ABCB11: variants seen among roughly 807,000 people sequenced by gnomAD.
The protein encoded by ABCB11 is ATP binding cassette subfamily B member 11.
Under a neutral mutation model 148.0 loss-of-function variants are expected in ABCB11, and 95 were observed. The ratio of observed to expected loss-of-function variants is 0.64; its 90% CI spans 0.54 to 0.76. ABCB11 has a LOEUF of 0.76. ABCB11 is among the 30% of genes least tolerant of loss of function. The probability of loss-of-function intolerance (pLI) is 0.00; values close to 1 mark genes in which losing one functional copy is unlikely to be tolerated. For synonymous variants in ABCB11, 591 were observed against 555.4 expected (o/e 1.06, Z -0.90); for missense variants, 1,523 against 1,617.8 (o/e 0.94, Z 1.01).
intron 5 of ABCB11, among the ~76,000 whole-genome samples, chr2:168,997,532 G>A (rs1694753571): frequency 6.6e-6 from 1 of 152,018 alleles, no homozygotes; most frequent in Non-Finnish European, 1.5e-5. Flanking sequence ...ATGAATGAAG[G>A]CATTCCATAA....
intron 12 of ABCB11, among the ~76,000 whole-genome samples, chr2:168,974,940 T>A (rs1038667824): frequency 1.3e-5 from 2 of 148,916 alleles, no homozygotes; most frequent in Non-Finnish European, 3.0e-5. Flanking sequence ...ATGTTTTATA[T>A]ATTTATGTAT....
At chr2:168,986,422 C>A (rs1573942446) in intron 9 of ABCB11, 138 bp from the exon 10 acceptor site, 2 of 724,604 alleles carry the variant, frequency 2.8e-6, no homozygotes, top group East Asian at 2.5e-5. Flanking sequence ...GGAGAAAAAT[C>A]TCCAATAACC....
At chr2:168,917,548 G>C (rs913388963), downstream of ABCB11, among the ~76,000 whole-genome samples, 1 of 152,214 alleles carries the variant, frequency 6.6e-6, no homozygotes, top group Non-Finnish European at 1.5e-5. Flanking sequence ...CAAATAAAAT[G>C]TATGATGTAA....
At chr2:168,955,628 T>A (rs1191408648) in intron 19 of ABCB11, among the ~76,000 whole-genome samples, 1 of 151,372 alleles carries the variant, frequency 6.6e-6, no homozygotes, top group Non-Finnish European at 1.5e-5. Flanking sequence ...CCAAACCATA[T>A]CATTCCGCCC....
intron 5 of ABCB11, among the ~76,000 whole-genome samples, chr2:169,001,621 G>A (rs907284984): frequency 3.3e-5 from 5 of 152,134 alleles, no homozygotes; most frequent in African/African-American, 9.7e-5. Flanking sequence ...ATCAACATTC[G>A]CTGGCATGGG....
chr2:168,972,169 A>G, intron 13 of ABCB11, 119 bp from the exon 14 acceptor site: 1 of 839,102 alleles, frequency 1.2e-6, no homozygotes, highest in East Asian at 2.7e-5. Context: ...TTCTAATGGA[A>G]ACAATTCCTC....
Position 168,995,375 on chromosome 2 carries a change from C to T in ABCB11, c.585G>A (p.Val195=), listed in dbSNP as rs11568365. ...CAGAGAATCTTGTATTCAGCTCCCCCACTGAATTGCAGTCAAACCACCCTA... is the reference window on the plus strand; with the variant it reads ...CAGAGAATCTTGTATTCAGCTCCCCTACTGAATTGCAGTCAAACCACCCTA... The part of the protein sequence containing the change: ...MEIGWFDCNS[V]GELNTRFSDD... Residue 195 remains valine (V), a synonymous_variant, in exon 7 of 28, where the codon GTG becomes GTA. Coordinates refer to ENST00000650372, the MANE Select transcript of ABCB11 (RefSeq NM_003742.4). The T allele has an allele frequency of 1.7e-5, 28 of 1,612,312 alleles. No homozygotes were observed. The highest frequency in any genetic ancestry group is 2.1e-5 in the Non-Finnish European group (25 of 1,178,882).
chr2:169,001,127 A>G (rs971790011), intron 5 of ABCB11, among the ~76,000 whole-genome samples: 1 of 152,158 alleles, frequency 6.6e-6, no homozygotes, highest in Non-Finnish European at 1.5e-5. Context: ...CTCCTTCGTT[A>G]ATAAGTGTCT....
chr2:169,030,492 G>T (rs2106083185), intron 1 of ABCB11, among the ~76,000 whole-genome samples: 1 of 152,208 alleles, frequency 6.6e-6, no homozygotes, highest in Non-Finnish European at 1.5e-5. Flanking sequence ...AAAGTTTTAG[G>T]TATAACCACT....
chr2:168,996,566 C>T (rs1694720061), intron 6 of ABCB11, 69 bp downstream of exon 6: 3 of 888,252 alleles, frequency 3.4e-6, no homozygotes, highest in African/African-American at 3.4e-5. Context: ...AGTGGCAACA[C>T]ATTGCATCTC....
intron 9 of ABCB11, among the ~76,000 whole-genome samples, chr2:168,989,995 A>G (rs1273649776): frequency 6.6e-6 from 1 of 152,040 alleles, no homozygotes; most frequent in Admixed American, 6.6e-5. Context: ...TTAATGTGCT[A>G]TTCAATTTGG....
At position 168,951,691 on chromosome 2, in the gene ABCB11, A is replaced by G. The variant is rs181359225; in HGVS notation, c.2343+6273T>C. 1.6e-4 allele frequency among the ~76,000 whole-genome samples: 24 copies of G among 151,696 alleles called. No homozygotes were observed. In the East Asian group the frequency reaches 4.3e-3, roughly 27 times the overall value. The stretch of plus-strand genomic sequence containing the variant: ...CTATAAATAATATGATTTCATCAGT[A>G]AACAGGGATAATTTGGCTTCCTCTT... On this transcript the variant is annotated intron_variant, in intron 19 of 27. Coordinates refer to ENST00000650372, the MANE Select transcript of ABCB11 (RefSeq NM_003742.4).
intron 19 of ABCB11, among the ~76,000 whole-genome samples, chr2:168,946,442 A>T (rs1472232249): frequency 6.6e-6 from 1 of 151,754 alleles, no homozygotes; most frequent in Non-Finnish European, 1.5e-5. Context: ...AATTAATGAG[A>T]TTTTACTGTT....
chr2:168,945,650 A>T (rs970063136), intron 19 of ABCB11, among the ~76,000 whole-genome samples: 1 of 148,280 alleles, frequency 6.7e-6, no homozygotes. Context: ...GGGAGTTATG[A>T]AGGAAAAAGG....
rs78314638 is a variant in ABCB11, at chr2:168,928,356, T to C, written c.3412-994A>G. 7.4e-3 allele frequency among the ~76,000 whole-genome samples: 1,134 copies of C among 152,260 alleles called. 16 individuals are homozygous for C. Among genetic ancestry groups the C allele is most frequent in the African/African-American group, 0.025 (1,054 of 41,546 alleles). ...GGCAGAAGACATGCTTCATGGTCCT[T>C]AGACTCTCCCACAGGGACTCATGCA... On this transcript the variant is annotated intron_variant, in intron 25 of 27. Transcript: ENST00000650372.
intron 10 of ABCB11, among the ~76,000 whole-genome samples, chr2:168,981,290 G>A (rs3770591): frequency 0.5 from 75,369 of 151,860 alleles, 19,100 homozygotes; most frequent in South Asian, 0.57. Flanking sequence ...CATGGGTGGT[G>A]GGTTAGTCCA....
At chr2:168,920,032 G>T (rs1201697370), downstream of ABCB11, among the ~76,000 whole-genome samples, 1 of 151,794 alleles carries the variant, frequency 6.6e-6, no homozygotes, top group African/African-American at 2.4e-5. Context: ...GCTAATTTTT[G>T]CTTTTCTTTT....
chr2:168,933,393 T>C (rs1691671203), intron 23 of ABCB11, among the ~76,000 whole-genome samples: 1 of 152,206 alleles, frequency 6.6e-6, no homozygotes, highest in South Asian at 2.1e-4. Context: ...CAACATGTAC[T>C]TAATTAACGA....
chr2:168,968,884 T>TG (rs1263514538), intron 16 of ABCB11, among the ~76,000 whole-genome samples: 1 of 151,542 alleles, frequency 6.6e-6, no homozygotes, highest in African/African-American at 2.4e-5. Context: ...CCTAATGGAG[T>TG]GAAATGGTGG....
Sources: gnomAD v4.1 joint callset for allele counts (sites outside exome capture counted in the v4.1 genomes callset) on GRCh38, gnomAD v4.1.1 for gene constraint, MANE v1.5 for transcripts, NCBI Gene and HGNC (gene_info 2026-07-23, HGNC 2026-07-21) for gene names.